The following RNGTT variants were observed in gnomAD, a reference collection of about 807,000 sequenced individuals.
RNGTT encodes mRNA-capping enzyme.
RNGTT carries 33 observed loss-of-function variants against 79.3 expected under a neutral mutation model. The ratio of observed to expected loss-of-function variants is 0.42; its 90% CI spans 0.32 to 0.56. The LOEUF is 0.56. Ranked by LOEUF, RNGTT falls within the 20% of genes least tolerant of loss-of-function variation. RNGTT has a pLI of 0.17. For missense variants in RNGTT, 497 were observed against 739.1 expected, an observed-to-expected ratio of 0.67 and a Z score of 3.80; for synonymous variants, 222 against 235.9, an observed-to-expected ratio of 0.94 and a Z score of 0.54.
chr6:88,920,493 T>G (rs1332694765), intron 4 of RNGTT, among the ~76,000 whole-genome samples: 1 of 152,186 alleles, frequency 6.6e-6, no homozygotes, highest in African/African-American at 2.4e-5. Flanking sequence ...TGTATATATA[T>G]TCATACATTT....
intron 11 of RNGTT, among the ~76,000 whole-genome samples, chr6:88,833,974 T>C (rs923650170): frequency 2.0e-5 from 3 of 152,162 alleles, no homozygotes; most frequent in Non-Finnish European, 2.9e-5. Flanking sequence ...TGAGCCGAGA[T>C]AGCACCAATG....
chr6:88,791,140 C>CTT (rs66559856), intron 12 of RNGTT, among the ~76,000 whole-genome samples: 3,056 of 120,758 alleles, frequency 0.025, 45 homozygotes, highest in East Asian at 0.048. Context: ...TCACAAGTAC[C>CTT]TTTTTTTTTT....
chr6:88,650,144 C>A (rs1407528466), intron 14 of RNGTT, among the ~76,000 whole-genome samples: 1 of 152,184 alleles, frequency 6.6e-6, no homozygotes, highest in African/African-American at 2.4e-5. Context: ...GAGTTCATCA[C>A]TAATAGTAAC....
intron 15 of RNGTT, among the ~76,000 whole-genome samples, chr6:88,613,152 TC>T (rs1334663148): frequency 1.3e-5 from 2 of 152,180 alleles, no homozygotes; most frequent in Non-Finnish European, 2.9e-5. Context: ...TTTCTATCCC[TC>T]CCAAACCAGT....
At chr6:88,845,213 C>G (rs376684958) in intron 10 of RNGTT, among the ~76,000 whole-genome samples, 1 of 152,114 alleles carries the variant, frequency 6.6e-6, no homozygotes, top group South Asian at 2.1e-4. Context: ...CTATAGACAT[C>G]AGCAAGTAGA....
chr6:88,868,251 G>C (rs1447313849), intron 8 of RNGTT, among the ~76,000 whole-genome samples: 1 of 152,104 alleles, frequency 6.6e-6, no homozygotes, highest in Admixed American at 6.6e-5. Context: ...TGAGATAAAG[G>C]ATCTCCCATT....
intron 11 of RNGTT, among the ~76,000 whole-genome samples, chr6:88,826,824 GTATATATA>G: frequency 7.7e-6 from 1 of 129,210 alleles, no homozygotes; most frequent in Non-Finnish European, 1.6e-5. Flanking sequence ...ATATGTGTGT[GTATATATA>G]TATATATATA....
At chr6:88,889,111 T>C (rs770748469) in intron 8 of RNGTT, among the ~76,000 whole-genome samples, 62 of 152,292 alleles carry the variant, frequency 4.1e-4, no homozygotes, top group Non-Finnish European at 6.3e-4. Flanking sequence ...GTAGTGATAA[T>C]CTCTAGGTGA....
intron 13 of RNGTT, among the ~76,000 whole-genome samples, chr6:88,751,610 G>C (rs1467373505): frequency 6.6e-6 from 1 of 151,946 alleles, no homozygotes; most frequent in Non-Finnish European, 1.5e-5. Context: ...AAGCATCTTT[G>C]AGCTGTAAAT....
intron 12 of RNGTT, among the ~76,000 whole-genome samples, chr6:88,792,254 T>C (rs1050381316): frequency 6.6e-6 from 1 of 152,220 alleles, no homozygotes; most frequent in Non-Finnish European, 1.5e-5. Flanking sequence ...CCTAAAATCA[T>C]GTCTCCTCTC....
intron 13 of RNGTT, among the ~76,000 whole-genome samples, chr6:88,681,169 G>A (rs1447282944): frequency 2.6e-5 from 4 of 152,090 alleles, no homozygotes; most frequent in African/African-American, 7.2e-5. Flanking sequence ...CATACAAATA[G>A]ATGCTAGAAA....
At chr6:88,785,231 T>C (rs1779189473) in intron 12 of RNGTT, among the ~76,000 whole-genome samples, 1 of 152,118 alleles carries the variant, frequency 6.6e-6, no homozygotes, top group Admixed American at 6.5e-5. Context: ...TCTTTCATTT[T>C]TGTGAAGTCC....
rs1222126583 is a variant in RNGTT at position 88,852,709 on chromosome 6, T to C, written c.1032+920A>G. Among the ~76,000 whole-genome samples the C allele has an allele frequency of 3.3e-5, 5 of 152,182 alleles. No individual in the cohort carries two copies. In the East Asian group the frequency reaches 9.6e-4, roughly 29 times the overall value. ...TGGTTAAATAAATTACAGAACTATT[T>C]CTCAAACTTGCCTAATTACAATCAC... is the stretch of plus-strand genomic sequence containing the variant. On this transcript the variant is annotated intron_variant, in intron 9 of 15. Transcript: ENST00000369485.
chr6:88,795,656 A>T (rs1359394578), intron 12 of RNGTT, among the ~76,000 whole-genome samples: 2 of 152,176 alleles, frequency 1.3e-5, no homozygotes, highest in Non-Finnish European at 2.9e-5. Flanking sequence ...CATGTTCCGC[A>T]CATGAATCCC....
At chr6:88,901,516 T>C in intron 6 of RNGTT, among the ~76,000 whole-genome samples, 1 of 133,884 alleles carries the variant, frequency 7.5e-6, no homozygotes, top group East Asian at 2.2e-4. Flanking sequence ...TTTTTTTTTT[T>C]TTTTTTTTGA....
chr6:88,720,494 T>G (rs541065528), intron 13 of RNGTT, among the ~76,000 whole-genome samples: 1 of 152,078 alleles, frequency 6.6e-6, no homozygotes, highest in Non-Finnish European at 1.5e-5. Context: ...AGTGTTCTCA[T>G]CCAAACCCTG....
At chr6:88,773,503 A>C (rs1778769979) in intron 12 of RNGTT, among the ~76,000 whole-genome samples, 2 of 151,570 alleles carry the variant, frequency 1.3e-5, no homozygotes, top group Admixed American at 1.3e-4. Flanking sequence ...ATTGGTAAAA[A>C]AAAAAAAATC....
At chr6:88,845,624 A>G (rs1051938704) in intron 10 of RNGTT, among the ~76,000 whole-genome samples, 10 of 152,124 alleles carry the variant, frequency 6.6e-5, no homozygotes, top group Admixed American at 1.3e-4. Context: ...CATTTACTCA[A>G]CCTAATGTTT....
At chr6:88,894,057 A>T (rs1423033501) in intron 6 of RNGTT, among the ~76,000 whole-genome samples, 1 of 152,162 alleles carries the variant, frequency 6.6e-6, no homozygotes, top group Admixed American at 6.5e-5. Context: ...ACCCATCTTC[A>T]TTTTCATGTT....
Sources: allele counts gnomAD v4.1 joint callset (sites outside exome capture counted in the v4.1 genomes callset), GRCh38; gene constraint gnomAD v4.1.1; transcripts MANE v1.5; gene names NCBI Gene and HGNC (gene_info 2026-07-23, HGNC 2026-07-21).